The following SEMA4B variants were observed in gnomAD, a reference collection of about 807,000 sequenced individuals.
SEMA4B encodes semaphorin-4B.
A neutral mutation model predicts 88.1 loss-of-function variants in SEMA4B; 55 were observed. The observed-to-expected ratio is 0.62, with a 90% CI of 0.50 to 0.78. The LOEUF is 0.78. SEMA4B is among the 30% of genes least tolerant of loss of function. The pLI is 0.00. For missense variants in SEMA4B, 1,062 were observed against 1,111.9 expected (o/e 0.96, Z 0.64); for synonymous variants, 525 against 473.6 (o/e 1.11, Z -1.41).
At chr15:90,221,164 T>G in intron 5 of SEMA4B, 71 bp downstream of exon 5, 1 of 1,208,682 alleles carries the variant, frequency 8.3e-7, no homozygotes, top group Non-Finnish European at 1.2e-6. Context: ...GGGCTAGCTT[T>G]GGACAGGCTG....
At chr15:90,211,411 T>C (rs994487835) in intron 1 of SEMA4B, among the ~76,000 whole-genome samples, 4 of 152,304 alleles carry the variant, frequency 2.6e-5, no homozygotes, top group African/African-American at 9.6e-5. Context: ...CCTCAGTCCA[T>C]GGGAGGACCC....
chr15:90,194,678 G>C (rs2151586311), intron 1 of SEMA4B, among the ~76,000 whole-genome samples: 1 of 152,212 alleles, frequency 6.6e-6, no homozygotes, highest in East Asian at 1.9e-4. Flanking sequence ...TGGGATTATA[G>C]GTGTGAGCCA....
At chr15:90,211,366 A>G (rs773744470) in intron 1 of SEMA4B, among the ~76,000 whole-genome samples, 1 of 152,206 alleles carries the variant, frequency 6.6e-6, no homozygotes, top group African/African-American at 2.4e-5. Flanking sequence ...CTGTGAGGCC[A>G]GGTTCCCTTG....
chr15:90,216,284 T>G (rs994531046), intron 1 of SEMA4B, among the ~76,000 whole-genome samples: 2 of 152,162 alleles, frequency 1.3e-5, no homozygotes, highest in Non-Finnish European at 2.9e-5. Flanking sequence ...CTCCATATTT[T>G]TAAGTAAAAT....
intron 7 of SEMA4B, among the ~76,000 whole-genome samples, chr15:90,222,155 G>T (rs1961886763): frequency 6.7e-6 from 1 of 150,170 alleles, no homozygotes; most frequent in African/African-American, 2.4e-5. Context: ...GCCTGGGCTG[G>T]TCTCAAACTC....
chr15:90,229,065 T>A lies in SEMA4B; in HGVS notation c.*422T>A. 2.8e-6 allele frequency: 1 copy of A among 356,008 alleles called. No homozygotes were observed. Among genetic ancestry groups the A allele is most frequent in the Non-Finnish European group, 5.5e-6 (1 of 182,028 alleles). The allele number at this position is 356,008 out of a possible 1,614,324, so 22.1% of individuals were successfully genotyped here. ...TTGTCTGAGACAGAGTTGGAAACCCTCACCAACTGGCCTCTTCACCTTCCA... is the reference window on the plus strand; with the variant it reads ...TTGTCTGAGACAGAGTTGGAAACCCACACCAACTGGCCTCTTCACCTTCCA... On this transcript the variant is annotated 3_prime_UTR_variant, in exon 14 of 14. Transcript: ENST00000411539.
intron 1 of SEMA4B, among the ~76,000 whole-genome samples, chr15:90,187,262 G>C (rs1960192653): frequency 6.6e-6 from 1 of 152,244 alleles, no homozygotes; most frequent in African/African-American, 2.4e-5. Context: ...TGGGACTCTA[G>C]TCCTGCCTCT....
At chr15:90,186,780 A>C (rs1960178095) in intron 1 of SEMA4B, among the ~76,000 whole-genome samples, 1 of 152,110 alleles carries the variant, frequency 6.6e-6, no homozygotes, top group South Asian at 2.1e-4. Flanking sequence ...AAAAATACAA[A>C]AAATTAGCCA....
At position 90,228,270 on chromosome 15, in the gene SEMA4B, A is replaced by G. The variant is rs765305293; in HGVS notation, c.2141A>G (p.Tyr714Cys). The G allele has an allele frequency of 6.3e-7, 1 of 1,591,022 alleles. No individual in the cohort carries two copies. The highest frequency in any genetic ancestry group is 8.6e-7 in the Non-Finnish European group (1 of 1,167,776). The change falls in exon 14 of 14, where the codon TAC becomes TGC. Residue 714 changes from tyrosine (Y) to cysteine (C), a missense_variant. By Grantham distance (194) the Tyr-to-Cys change is radical (BLOSUM62 -2). Coordinates refer to ENST00000411539, the MANE Select transcript of SEMA4B (RefSeq NM_198925.4). The stretch of plus-strand genomic sequence containing the variant: ...GCCAGCTGGGGTGCAGACAGGTCCT[A>G]CTGGAAGGAGTTCCTGGTGATGTGC... ...GKASWGADRSYWKEFLVMCTL... is the reference protein window; with the variant it reads ...GKASWGADRSCWKEFLVMCTL...
At chr15:90,222,530 A>G (rs1961913843) in intron 7 of SEMA4B, among the ~76,000 whole-genome samples, 2 of 151,878 alleles carry the variant, frequency 1.3e-5, no homozygotes, top group African/African-American at 4.8e-5. Context: ...AGATGGTGCC[A>G]CTGCACTCCA....
intron 3 of SEMA4B, among the ~76,000 whole-genome samples, chr15:90,218,481 C>T (rs529234458): frequency 7.2e-5 from 11 of 152,294 alleles, no homozygotes; most frequent in South Asian, 4.1e-4. Context: ...CTTTTAGGTA[C>T]TGGAGATTTA....
intron 1 of SEMA4B, among the ~76,000 whole-genome samples, chr15:90,186,887 T>C (rs772705382): frequency 3.9e-5 from 6 of 151,934 alleles, no homozygotes; most frequent in Admixed American, 6.6e-5. Flanking sequence ...GAGCCGAGAT[T>C]GCACCACTGC....
chr15:90,196,775 C>G (rs1421187045), upstream of SEMA4B, among the ~76,000 whole-genome samples: 1 of 152,250 alleles, frequency 6.6e-6, no homozygotes, highest in Non-Finnish European at 1.5e-5. Context: ...GCGTGAGCCA[C>G]TGCACCCGGC....
chr15:90,225,106 C>G lies in SEMA4B; in HGVS notation c.1333C>G (p.Arg445Gly). Reference sequence around the variant, plus strand: ...CATGCTGCTGCTGCAGCCCCAGGCTCGCTACCAGCGCGTGGCTGTACACCG... The same window carrying G: ...CATGCTGCTGCTGCAGCCCCAGGCTGGCTACCAGCGCGTGGCTGTACACCG... ...SRMLLLQPQA[R>G]YQRVAVHRVP... The change falls in exon 10 of 14, where the codon CGC becomes GGC. Residue 445 changes from arginine to glycine, a missense_variant. By Grantham distance (125) the Arg-to-Gly change is moderately radical. Coordinates refer to ENST00000411539, the MANE Select transcript of SEMA4B (RefSeq NM_198925.4). 6.2e-7 allele frequency: 1 copy of G among 1,613,738 alleles called. No homozygotes were observed. The highest frequency in any genetic ancestry group is 8.5e-7 in the Non-Finnish European group (1 of 1,179,862).
rs555121056 is a variant in SEMA4B at position 90,226,873 on chromosome 15, T to C, written c.1689-684T>C. On this transcript the variant is annotated intron_variant, in intron 12 of 13. Coordinates refer to ENST00000411539, the MANE Select transcript of SEMA4B (RefSeq NM_198925.4). ...TTGACTTATCTGTCTCCTGAGTGTA[T>C]CCAGAATTACTGTCCTTTATTTTTT... 1.7e-3 allele frequency among the ~76,000 whole-genome samples: 265 copies of C among 152,100 alleles called. 1 individual carries two copies. Among genetic ancestry groups the C allele is most frequent in the African/African-American group, 6.0e-3 (250 of 41,490 alleles).
chr15:90,228,019 T>A lies in SEMA4B; in HGVS notation c.1890T>A (p.Asn630Lys), dbSNP rs1173878858. The A allele has an allele frequency of 5.6e-6, 9 of 1,613,770 alleles. No individual in the cohort carries two copies. The highest frequency in any genetic ancestry group is 7.6e-6 in the Non-Finnish European group (9 of 1,179,870). ...GGCTACGCAACGGGGCCCCCGTCAA[T>A]GCCTCGGCCTCCTGCCACGTGCTAC... ...RLWLRNGAPV[N>K]ASASCHVLPT... The change falls in exon 14 of 14, where the codon AAT (asparagine) becomes AAA (lysine). Residue 630 changes from asparagine to lysine, a missense_variant. Physicochemically the swap from Asn to Lys is moderately conservative, Grantham distance 94. Coordinates refer to ENST00000411539, the MANE Select transcript of SEMA4B (RefSeq NM_198925.4).
At chr15:90,191,611 A>T (rs1258306118) in intron 1 of SEMA4B, among the ~76,000 whole-genome samples, 1 of 152,216 alleles carries the variant, frequency 6.6e-6, no homozygotes, top group Non-Finnish European at 1.5e-5. Context: ...TATGGAAGGT[A>T]GTGAATTCTT....
At chr15:90,206,972 A>T (rs555517302) in intron 1 of SEMA4B, 1 of 551,046 alleles carries the variant, frequency 1.8e-6, no homozygotes, top group South Asian at 1.8e-5. Context: ...AAATGAAGAA[A>T]ATATCTTTGG....
At chr15:90,200,513 G>C (rs972970534), upstream of SEMA4B, among the ~76,000 whole-genome samples, 2 of 152,204 alleles carry the variant, frequency 1.3e-5, no homozygotes, top group Non-Finnish European at 2.9e-5. Flanking sequence ...ATTGATTTCA[G>C]AATCTGCTAA....
Sources: allele counts gnomAD v4.1 joint callset (sites outside exome capture counted in the v4.1 genomes callset), GRCh38; gene constraint gnomAD v4.1.1; transcripts MANE v1.5; gene names NCBI Gene and HGNC (gene_info 2026-07-23, HGNC 2026-07-21).